The following PCCA variants were observed in gnomAD, a reference collection of about 807,000 sequenced individuals.
The protein encoded by PCCA is propionyl-CoA carboxylase subunit alpha.
Under a neutral mutation model 101.3 loss-of-function variants are expected in PCCA, and 74 were observed. That is an observed-to-expected ratio of 0.73 (90% CI 0.61 to 0.89). The LOEUF (loss-of-function observed/expected upper bound fraction) is 0.89. Ranked by LOEUF, PCCA falls within the 40% of genes least tolerant of loss-of-function variation. The pLI is 0.00. For missense variants in PCCA, 891 were observed against 907.0 expected, an observed-to-expected ratio of 0.98 and a Z score of 0.23; for synonymous variants, 294 against 313.6, an observed-to-expected ratio of 0.94 and a Z score of 0.66.
intron 21 of PCCA, among the ~76,000 whole-genome samples, chr13:100,512,756 T>C (rs867295858): frequency 6.6e-6 from 1 of 152,202 alleles, no homozygotes; most frequent in African/African-American, 2.4e-5. Context: ...AAACATCAAC[T>C]TTGTGATTTA....
In PCCA at chr13:100,527,736, CT is replaced by C. The variant is rs1555331314; in HGVS notation, c.2103del (p.Thr704LeufsTer4). The stretch of plus-strand genomic sequence containing the variant: ...ATGAAAATGCAGAATAGTATGACAG[CT>C]GGGAAAACTGGCACGGTGAGTCCCT... ...EAMKMQNSMTAGKTGTVKSVH... is the reference protein window; with the variant it reads ...EAMKMQNSMTXGKTGTVKSVH... On this transcript the variant is annotated frameshift_variant, in exon 23 of 24. Transcript: ENST00000376285. LOFTEE classifies it high-confidence loss of function. 1 of 1,612,942 alleles carries C rather than the reference CT, an allele frequency of 6.2e-7. No homozygotes were observed. Among genetic ancestry groups the C allele is most frequent in the Admixed American group, 1.7e-5 (1 of 60,022 alleles).
At chr13:100,217,719 G>A (rs1349263708) in intron 7 of PCCA, among the ~76,000 whole-genome samples, 1 of 151,686 alleles carries the variant, frequency 6.6e-6, no homozygotes, top group Admixed American at 6.6e-5. Flanking sequence ...GTTGGGCGTG[G>A]TGGCAGGCAC....
chr13:100,165,078 G>A (rs1366823698), intron 6 of PCCA, among the ~76,000 whole-genome samples: 1 of 152,164 alleles, frequency 6.6e-6, no homozygotes, highest in East Asian at 1.9e-4. Context: ...ACCTGTTGAT[G>A]GACATTTGGG....
At chr13:100,235,524 T>G (rs2060743841) in intron 7 of PCCA, among the ~76,000 whole-genome samples, 1 of 152,192 alleles carries the variant, frequency 6.6e-6, no homozygotes, top group African/African-American at 2.4e-5. Flanking sequence ...ACCTGATTTA[T>G]GATTCAGTAT....
intron 20 of PCCA, among the ~76,000 whole-genome samples, chr13:100,436,247 A>G (rs1174662102): frequency 6.6e-6 from 1 of 152,220 alleles, no homozygotes. Context: ...AGCCAACCAG[A>G]GGCTGAAGTG....
At chr13:100,399,806 A>G (rs188058784) in intron 19 of PCCA, among the ~76,000 whole-genome samples, 191 of 152,350 alleles carry the variant, frequency 1.3e-3, no homozygotes, top group African/African-American at 4.2e-3. Context: ...TATGCAGTGT[A>G]TGTGATGACT....
rs551691188 is a variant in PCCA, at chr13:100,504,171, C to T, written c.1900-11256C>T. Among the ~76,000 whole-genome samples, 18 of 152,328 alleles carry T rather than the reference C, an allele frequency of 1.2e-4. No individual in the cohort carries two copies. The East Asian group carries it at 3.5e-3, about 29-fold the overall frequency. On this transcript the variant is annotated intron_variant, in intron 21 of 23. Coordinates refer to ENST00000376285, the MANE Select transcript of PCCA (RefSeq NM_000282.4). Reference sequence around the variant, plus strand: ...TATAAGAGCTGTCAAATTTCACTTGCTCAGTCCCCTGATTCTCATTTTCTT... The same window carrying T: ...TATAAGAGCTGTCAAATTTCACTTGTTCAGTCCCCTGATTCTCATTTTCTT...
At chr13:100,179,451 C>T (rs2056572763) in intron 6 of PCCA, among the ~76,000 whole-genome samples, 2 of 152,084 alleles carry the variant, frequency 1.3e-5, no homozygotes, top group African/African-American at 2.4e-5. Context: ...TCAATGCTGT[C>T]GTGATCTTTT....
At chr13:100,198,504 A>G (rs1566686392) in intron 6 of PCCA, 1 of 141,462 alleles carries the variant, frequency 7.1e-6, no homozygotes, top group Admixed American at 7.0e-5. Flanking sequence ...TCATTCATTC[A>G]TTCATTCATT....
chr13:100,133,136 C>T (rs1236324275), intron 4 of PCCA, among the ~76,000 whole-genome samples: 2 of 152,116 alleles, frequency 1.3e-5, no homozygotes, highest in African/African-American at 4.8e-5. Flanking sequence ...TTTTAATTTG[C>T]ATTTGCCTAA....
At chr13:100,262,874 A>G in intron 10 of PCCA, 43 bp downstream of exon 10, 1 of 805,378 alleles carries the variant, frequency 1.2e-6, no homozygotes, top group Non-Finnish European at 2.2e-6. Context: ...TTTTAAAATA[A>G]TATCATTTAA....
At chr13:100,366,366 C>T (rs567319170) in intron 18 of PCCA, among the ~76,000 whole-genome samples, 6 of 152,292 alleles carry the variant, frequency 3.9e-5, no homozygotes, top group African/African-American at 1.2e-4. Flanking sequence ...CCCTTCTACA[C>T]GTGCTTGGTG....
intron 2 of PCCA, among the ~76,000 whole-genome samples, chr13:100,108,851 G>A (rs1181124211): frequency 6.6e-6 from 1 of 152,188 alleles, no homozygotes; most frequent in Non-Finnish European, 1.5e-5. Context: ...GGACTTGGGT[G>A]TCTCTTCAGT....
At chr13:100,356,595 G>C (rs1408572387) in intron 18 of PCCA, among the ~76,000 whole-genome samples, 5 of 152,080 alleles carry the variant, frequency 3.3e-5, no homozygotes, top group Non-Finnish European at 5.9e-5. Flanking sequence ...GGAAACATGG[G>C]AACCATTACA....
At chr13:100,309,772 AATC>A in intron 15 of PCCA, 58 bp from the exon 16 acceptor site, 1 of 1,053,112 alleles carries the variant, frequency 9.5e-7, no homozygotes, top group Non-Finnish European at 1.4e-6. Context: ...TACTAAAATG[AATC>A]ATTTAACATA....
At chr13:100,467,146 C>T (rs973396172) in intron 21 of PCCA, among the ~76,000 whole-genome samples, 2 of 152,112 alleles carry the variant, frequency 1.3e-5, no homozygotes, top group African/African-American at 2.4e-5. Context: ...AGAAGAGCAG[C>T]TGTAGGACCA....
At position 100,530,223 on chromosome 13, in the gene PCCA, T is replaced by G; in HGVS notation, c.*57T>G. ...TTAATTAGCCATTTGCATGATGCTT[T>G]CACACACAATTGATTCAAGCATTAT... On this transcript the variant is annotated 3_prime_UTR_variant, in exon 24 of 24. Transcript: ENST00000376285. 7.7e-7 allele frequency: 1 copy of G among 1,299,854 alleles called. No homozygotes were observed. Among genetic ancestry groups the G allele is most frequent in the Admixed American group, 1.7e-5 (1 of 58,538 alleles). 80.5% of individuals were successfully genotyped at this position (1,299,854 alleles called of 1,614,324 possible).
intron 6 of PCCA, among the ~76,000 whole-genome samples, chr13:100,174,278 T>C (rs955570223): frequency 6.6e-6 from 1 of 151,988 alleles, no homozygotes; most frequent in Non-Finnish European, 1.5e-5. Flanking sequence ...AATTCTTTTT[T>C]ACGAAGCCCT....
At chr13:100,433,032 A>T (rs950503729) in intron 20 of PCCA, among the ~76,000 whole-genome samples, 1 of 152,174 alleles carries the variant, frequency 6.6e-6, no homozygotes, top group Non-Finnish European at 1.5e-5. Context: ...TTGTTTATCC[A>T]TTCCTCTGTC....
Sources: gnomAD v4.1 joint callset for allele counts (sites outside exome capture counted in the v4.1 genomes callset) on GRCh38, gnomAD v4.1.1 for gene constraint, MANE v1.5 for transcripts, NCBI Gene and HGNC (gene_info 2026-07-23, HGNC 2026-07-21) for gene names.